Variants in FSD2 observed in about 807,000 individuals in gnomAD.
FSD2 encodes fibronectin type III and SPRY domain-containing protein 2.
Under a neutral mutation model 80.4 loss-of-function variants are expected in FSD2, and 71 were observed. The observed-to-expected ratio is 0.88, with a 90% CI of 0.73 to 1.08. The LOEUF (loss-of-function observed/expected upper bound fraction) is 1.08, where lower values mean the gene tolerates loss of function less well. Ranked by LOEUF, FSD2 falls within the 50% of genes least tolerant of loss-of-function variation. The probability of loss-of-function intolerance (pLI) is 0.00; values close to 1 mark genes in which losing one functional copy is unlikely to be tolerated. For missense variants in FSD2, 923 were observed against 913.8 expected, an observed-to-expected ratio of 1.01 and a Z score of -0.13; for synonymous variants, 361 against 329.5, an observed-to-expected ratio of 1.10 and a Z score of -1.03.
At chr15:82,783,659 C>G (rs1381130498) in intron 3 of FSD2, among the ~76,000 whole-genome samples, 2 of 152,172 alleles carry the variant, frequency 1.3e-5, no homozygotes, top group East Asian at 3.8e-4. Context: ...GATGATTCTG[C>G]CCGATATTGG....
intron 2 of FSD2, 38 bp downstream of exon 2, chr15:82,786,714 A>G: frequency 1.2e-6 from 2 of 1,609,466 alleles, no homozygotes; most frequent in Non-Finnish European, 1.7e-6. Context: ...ATACCAAAGC[A>G]ATATCAAGAC....
intron 4 of FSD2, among the ~76,000 whole-genome samples, chr15:82,781,877 G>T (rs1485946069): frequency 1.3e-5 from 2 of 150,660 alleles, no homozygotes; most frequent in Admixed American, 1.3e-4. Flanking sequence ...GACCAACATG[G>T]TGAAACCCCG....
intron 1 of FSD2, among the ~76,000 whole-genome samples, chr15:82,789,793 C>T (rs1354406546): frequency 6.6e-6 from 1 of 152,112 alleles, no homozygotes; most frequent in Non-Finnish European, 1.5e-5. Flanking sequence ...TCCTCTGAGC[C>T]CTCCTCTAGT....
chr15:82,768,978 A>T lies in FSD2; in HGVS notation c.1455T>A (p.Ala485=). ...KTKEIRSCEE[A]VLICWESGNL... The stretch of plus-strand genomic sequence containing the variant: ...TCCCAGACTCCCAGCAAATCAGCAC[A>T]GCCTCTTCACAGCTCCTTATCTCTT... The change falls in exon 9 of 13, where the codon GCT becomes GCA. Residue 485 remains alanine (A), a synonymous_variant. Transcript: ENST00000334574. The T allele has an allele frequency of 6.2e-7, 1 of 1,606,482 alleles. No individual in the cohort carries two copies. Among genetic ancestry groups the T allele is most frequent in the East Asian group, 2.2e-5 (1 of 44,536 alleles).
At chr15:82,782,104 T>TAATAATAATAAAAAA (rs749972634) in intron 4 of FSD2, among the ~76,000 whole-genome samples, 10 of 118,942 alleles carry the variant, frequency 8.4e-5, no homozygotes, top group East Asian at 5.3e-4. Flanking sequence ...ATAATAATAA[T>TAATAATAATAAAAAA]AAAACTCTTG....
intron 11 of FSD2, among the ~76,000 whole-genome samples, chr15:82,762,616 AGC>A (rs2049318586): frequency 6.6e-6 from 1 of 152,224 alleles, no homozygotes; most frequent in Non-Finnish European, 1.5e-5. Flanking sequence ...TACACAACAC[AGC>A]ACGGTTAAGG....
At chr15:82,770,727 G>T (rs879914545) in intron 7 of FSD2, among the ~76,000 whole-genome samples, 10 of 147,560 alleles carry the variant, frequency 6.8e-5, no homozygotes, top group African/African-American at 1.5e-4. Context: ...CCACTAAGTT[G>T]TAGGGGGTGG....
intron 1 of FSD2, among the ~76,000 whole-genome samples, chr15:82,803,525 G>A (rs1477155241): frequency 6.6e-6 from 1 of 151,926 alleles, no homozygotes; most frequent in African/African-American, 2.4e-5. Flanking sequence ...CTCACCCTAG[G>A]CCCTGGCTCA....
At chr15:82,805,323 G>A (rs2050504297) in intron 1 of FSD2, among the ~76,000 whole-genome samples, 1 of 152,058 alleles carries the variant, frequency 6.6e-6, no homozygotes, top group Admixed American at 6.6e-5. Context: ...GATTCCATAA[G>A]GGCAGGAACA....
chr15:82,775,945 A>AT (rs1288896277), intron 6 of FSD2, among the ~76,000 whole-genome samples: 3 of 151,946 alleles, frequency 2.0e-5, no homozygotes, highest in African/African-American at 7.3e-5. Context: ...GAATTTTCCA[A>AT]TTTTTTCTTG....
chr15:82,780,038 C>T (rs1180137869), intron 5 of FSD2, among the ~76,000 whole-genome samples: 2 of 152,008 alleles, frequency 1.3e-5, no homozygotes, highest in East Asian at 1.9e-4. Flanking sequence ...TCACCGTACA[C>T]GCTCCCTACT....
chr15:82,779,202 G>T (rs1205468547), intron 5 of FSD2, among the ~76,000 whole-genome samples: 1 of 152,158 alleles, frequency 6.6e-6, no homozygotes. Flanking sequence ...GTGCTAACCT[G>T]GGAGTTCCCA....
At chr15:82,802,747 C>T (rs76855410) in intron 1 of FSD2, among the ~76,000 whole-genome samples, 2 of 152,148 alleles carry the variant, frequency 1.3e-5, no homozygotes, top group Non-Finnish European at 2.9e-5. Context: ...TCCACCAGGT[C>T]TCCTGGTTGC....
intron 7 of FSD2, among the ~76,000 whole-genome samples, chr15:82,771,080 T>C (rs1000319652): frequency 3.3e-5 from 5 of 151,946 alleles, no homozygotes; most frequent in Non-Finnish European, 7.4e-5. Context: ...TCACTTAAAT[T>C]TACTCTTACT....
At chr15:82,790,516 T>C (rs543944814) in intron 1 of FSD2, among the ~76,000 whole-genome samples, 1 of 151,624 alleles carries the variant, frequency 6.6e-6, no homozygotes, top group African/African-American at 2.4e-5. Flanking sequence ...CCAAAGTCCA[T>C]GCTTTCTTCC....
At chr15:82,788,166 C>A (rs187845193) in intron 1 of FSD2, among the ~76,000 whole-genome samples, 339 of 151,994 alleles carry the variant, frequency 2.2e-3, no homozygotes, top group Non-Finnish European at 2.6e-3. Context: ...TATGATAGCA[C>A]CTGCACAAAA....
intron 1 of FSD2, among the ~76,000 whole-genome samples, chr15:82,790,253 G>C (rs1001766008): frequency 2.0e-5 from 3 of 152,158 alleles, no homozygotes; most frequent in Non-Finnish European, 4.4e-5. Flanking sequence ...GTTGGCTGGA[G>C]GATTCTCTGA....
Position 82,786,733 on chromosome 15 carries a change from A to G in FSD2, c.639+19T>C. ...CAAAGCAATATCAAGACAGAGAAGA[A>G]CCAAGGACACCTATTTACCTTGGCA... On this transcript the variant is annotated intron_variant, in intron 2 of 12. Transcript: ENST00000334574. 1 of 1,611,104 alleles carries G rather than the reference A, an allele frequency of 6.2e-7. No individual in the cohort carries two copies. The highest frequency in any genetic ancestry group is 8.5e-7 in the Non-Finnish European group (1 of 1,178,064).
intron 4 of FSD2, among the ~76,000 whole-genome samples, chr15:82,780,988 A>T (rs2049843403): frequency 6.6e-6 from 1 of 152,080 alleles, no homozygotes; most frequent in Non-Finnish European, 1.5e-5. Context: ...TTGAGCTATG[A>T]TCACACCACT....
Sources: allele counts gnomAD v4.1 joint callset (sites outside exome capture counted in the v4.1 genomes callset), GRCh38; gene constraint gnomAD v4.1.1; transcripts MANE v1.5; gene names NCBI Gene and HGNC (gene_info 2026-07-23, HGNC 2026-07-21).